The following ELF1 variants were observed in gnomAD, a reference collection of about 807,000 sequenced individuals.
The protein encoded by ELF1 is E74 like ETS transcription factor 1.
A neutral mutation model predicts 59.9 loss-of-function variants in ELF1; 24 were observed. The ratio of observed to expected loss-of-function variants is 0.40; its 90% confidence interval spans 0.29 to 0.56. The LOEUF (loss-of-function observed/expected upper bound fraction) is 0.56, where lower values mean the gene tolerates loss of function less well. ELF1 is among the 20% of genes least tolerant of loss of function. The pLI is 0.44. For synonymous variants in ELF1, 248 were observed against 266.2 expected (o/e 0.93, Z 0.67); for missense variants, 627 against 742.2 (o/e 0.84, Z 1.80).
intron 1 of ELF1, chr13:40,993,112 C>T (rs12873289): frequency 1.2e-6 from 2 of 1,601,786 alleles, no homozygotes; most frequent in Non-Finnish European, 1.7e-6. Context: ...ACTTCCTCTG[C>T]AGTGGGGTTT....
At chr13:40,969,267 A>G (rs1872378493) in intron 2 of ELF1, among the ~76,000 whole-genome samples, 1 of 152,190 alleles carries the variant, frequency 6.6e-6, no homozygotes, top group Admixed American at 6.5e-5. Context: ...ATAGTCTTCC[A>G]TATTCTCTTT....
intron 1 of ELF1, among the ~76,000 whole-genome samples, chr13:41,044,590 T>C (rs1876762244): frequency 6.6e-6 from 1 of 152,162 alleles, no homozygotes; most frequent in Non-Finnish European, 1.5e-5. Flanking sequence ...TATGATGGAT[T>C]ACGTTTATTG....
At chr13:41,047,263 C>G (rs1385600648) in intron 1 of ELF1, among the ~76,000 whole-genome samples, 1 of 152,190 alleles carries the variant, frequency 6.6e-6, no homozygotes, top group Non-Finnish European at 1.5e-5. Flanking sequence ...CGTCTGAAGC[C>G]TTCTTCTCTC....
intron 1 of ELF1, among the ~76,000 whole-genome samples, chr13:40,985,649 C>A (rs1379168744): frequency 6.6e-6 from 1 of 152,146 alleles, no homozygotes; most frequent in Non-Finnish European, 1.5e-5. Context: ...CATCAGTGCC[C>A]CTTGAAGTCA....
At chr13:40,998,625 A>T (rs1488532425) in intron 1 of ELF1, among the ~76,000 whole-genome samples, 2 of 152,234 alleles carry the variant, frequency 1.3e-5, no homozygotes, top group African/African-American at 4.8e-5. Context: ...AGATAGAAGC[A>T]AACTTTAAAT....
At chr13:40,972,859 C>G (rs1872652518) in intron 2 of ELF1, among the ~76,000 whole-genome samples, 1 of 151,986 alleles carries the variant, frequency 6.6e-6, no homozygotes, top group African/African-American at 2.4e-5. Context: ...AAGTTGTGGG[C>G]AGTGGACTGA....
intron 1 of ELF1, among the ~76,000 whole-genome samples, chr13:41,003,753 T>C (rs779621555): frequency 1.3e-5 from 2 of 152,150 alleles, no homozygotes; most frequent in Non-Finnish European, 1.5e-5. Context: ...AAGTAAGAGA[T>C]TTTTGATGCT....
At chr13:40,958,558 C>G (rs1871603046) in intron 3 of ELF1, among the ~76,000 whole-genome samples, 1 of 151,498 alleles carries the variant, frequency 6.6e-6, no homozygotes, top group Admixed American at 6.6e-5. Flanking sequence ...TCAGTGAAGA[C>G]TTGATGAATT....
chr13:40,987,347 G>A (rs1393681953), intron 1 of ELF1, among the ~76,000 whole-genome samples: 5 of 149,886 alleles, frequency 3.3e-5, no homozygotes, highest in African/African-American at 1.2e-4. Flanking sequence ...TTGGGAGGCC[G>A]AGGCGGGTAG....
At chr13:40,960,569 C>T (rs1282023954) in intron 2 of ELF1, among the ~76,000 whole-genome samples, 2 of 152,130 alleles carry the variant, frequency 1.3e-5, no homozygotes. Context: ...ACCTATTTGT[C>T]CCCCCATTGC....
rs529223556 is a variant in ELF1, at chr13:40,960,121, T to C, written c.73-1105A>G. Among the ~76,000 whole-genome samples, 6 of 152,350 alleles carry C rather than the reference T, an allele frequency of 3.9e-5. No homozygotes were observed. The South Asian group carries it at 8.3e-4, about 21-fold the overall frequency. On this transcript the variant is annotated intron_variant, in intron 2 of 8. Transcript: ENST00000239882. The stretch of plus-strand genomic sequence containing the variant: ...GACATATTGCTTCTTAATCCTACTT[T>C]GTGTTAATTTCCTAAATATAAAAAT...
At chr13:41,017,911 T>C (rs548354368) in intron 1 of ELF1, among the ~76,000 whole-genome samples, 1 of 152,190 alleles carries the variant, frequency 6.6e-6, no homozygotes, top group African/African-American at 2.4e-5. Context: ...ACAAAGATGA[T>C]AGCAAATGGC....
intron 2 of ELF1, among the ~76,000 whole-genome samples, chr13:40,972,734 A>G (rs1212187698): frequency 6.6e-6 from 1 of 152,082 alleles, no homozygotes; most frequent in African/African-American, 2.4e-5. Flanking sequence ...ATATGTAAAA[A>G]CTTGTCTAAA....
chr13:40,972,247 C>A (rs1242210342), intron 2 of ELF1, among the ~76,000 whole-genome samples: 1 of 152,172 alleles, frequency 6.6e-6, no homozygotes, highest in East Asian at 1.9e-4. Context: ...AAAATTCATA[C>A]TACCTGCTCA....
rs545021612 is a variant in ELF1, at chr13:40,954,238, A to G, written c.254-2802T>C. 3.4e-4 allele frequency among the ~76,000 whole-genome samples: 52 copies of G among 152,260 alleles called. No homozygotes were observed. In the South Asian group the frequency reaches 9.3e-3, roughly 27 times the overall value. On this transcript the variant is annotated intron_variant, in intron 3 of 8. Transcript: ENST00000239882. ...AATACATGCAAAAAATGCTTTGTTA[A>G]AAAAAAGGGAGTGATATGGCTTGGA...
intron 1 of ELF1, among the ~76,000 whole-genome samples, chr13:41,044,571 C>A (rs370425928): frequency 5.3e-5 from 8 of 152,028 alleles, no homozygotes; most frequent in African/African-American, 1.7e-4. Flanking sequence ...TTGTCTTTGG[C>A]TCTGTTTATA....
intron 1 of ELF1, among the ~76,000 whole-genome samples, chr13:40,993,620 A>G (rs1367413164): frequency 3.3e-5 from 5 of 152,138 alleles, no homozygotes; most frequent in Admixed American, 1.3e-4. Context: ...AGCTGGGGCT[A>G]TAGGTGTGTA....
intron 2 of ELF1, among the ~76,000 whole-genome samples, chr13:40,978,880 C>T (rs77078386): frequency 4.6e-5 from 7 of 151,948 alleles, no homozygotes; most frequent in Non-Finnish European, 1.0e-4. Context: ...TCTTACCCCC[C>T]GCAACTTTTA....
intron 2 of ELF1, among the ~76,000 whole-genome samples, chr13:40,969,667 A>G (rs919338551): frequency 1.3e-5 from 2 of 152,166 alleles, no homozygotes; most frequent in African/African-American, 4.8e-5. Context: ...TGTAAAACTG[A>G]ATTAGGAAAC....
Sources: allele counts gnomAD v4.1 joint callset (sites outside exome capture counted in the v4.1 genomes callset), GRCh38; gene constraint gnomAD v4.1.1; transcripts MANE v1.5; gene names NCBI Gene and HGNC (gene_info 2026-07-23, HGNC 2026-07-21).